The following MSN variants were observed in gnomAD, a reference collection of about 807,000 sequenced individuals.
MSN encodes the protein epididymis luminal protein 70.
In MSN, 2 loss-of-function variants were observed where a neutral mutation model predicts 48.0. The observed-to-expected ratio is 0.04, with a 90% confidence interval of 0.02 to 0.13. The LOEUF (loss-of-function observed/expected upper bound fraction) is 0.13. MSN is among the 10% of genes least tolerant of loss of function. The probability of loss-of-function intolerance (pLI) is 1.00; values close to 1 mark genes in which losing one functional copy is unlikely to be tolerated. For synonymous variants in MSN, 146 were observed against 166.9 expected (o/e 0.87, Z 0.97); for missense variants, 267 against 470.1 (o/e 0.57, Z 3.99).
chrX:65,725,823 G>A (rs2071562742), intron 2 of MSN, among the ~76,000 whole-genome samples: 1 of 111,677 alleles, frequency 9.0e-6, no homozygotes, highest in Non-Finnish European at 1.9e-5. Context: ...ATCAGCAAGA[G>A]GTAGCTGGGA....
chrX:65,622,269 A>AT (rs1484442540), intron 1 of MSN, among the ~76,000 whole-genome samples: 24 of 105,233 alleles, frequency 2.3e-4, no homozygotes, highest in Admixed American at 4.2e-4. Flanking sequence ...TAATTTTTGT[A>AT]TTTTTTTTGG....
intron 1 of MSN, among the ~76,000 whole-genome samples, chrX:65,711,035 C>A (rs185994720): frequency 9.5e-6 from 1 of 104,889 alleles, no homozygotes; most frequent in Non-Finnish European, 1.9e-5. Flanking sequence ...CAGGCGTGCA[C>A]CACCATGCCC....
At chrX:65,727,968 G>A (rs952746154) in intron 3 of MSN, 59 bp downstream of exon 3, 1 of 1,065,355 alleles carries the variant, frequency 9.4e-7, no homozygotes, top group African/African-American at 1.8e-5. Context: ...ACATTCCTGG[G>A]AGGGTACCAT....
intron 10 of MSN, 44 bp from the exon 11 acceptor site, chrX:65,738,481 G>A: frequency 2.6e-6 from 3 of 1,146,320 alleles, no homozygotes; most frequent in Non-Finnish European, 3.5e-6. Flanking sequence ...TGGGTCCTGA[G>A]GACCAGAAGG....
At chrX:65,727,468 G>T (rs182075739) in intron 2 of MSN, among the ~76,000 whole-genome samples, 1 of 112,031 alleles carries the variant, frequency 8.9e-6, no homozygotes, top group Non-Finnish European at 1.9e-5. Flanking sequence ...ACTTGGGCAA[G>T]TTATTTCATT....
chrX:65,642,350 G>GGTGTGTGTGTGTGT (rs61644801), intron 1 of MSN, among the ~76,000 whole-genome samples: 12 of 96,208 alleles, frequency 1.2e-4, no homozygotes, highest in Non-Finnish European at 2.5e-4. Flanking sequence ...TGTACATTAT[G>GGTGTGTGTGTGTGT]GTGTGTGTGT....
intron 1 of MSN, among the ~76,000 whole-genome samples, chrX:65,687,654 A>T (rs1443881514): frequency 8.9e-6 from 1 of 111,797 alleles, no homozygotes. Flanking sequence ...TTCTCAGGTC[A>T]TTTGTGCCTT....
intron 1 of MSN, among the ~76,000 whole-genome samples, chrX:65,607,957 T>C (rs1256823268): frequency 9.0e-6 from 1 of 111,509 alleles, no homozygotes; most frequent in African/African-American, 3.3e-5. Context: ...TCAATTAAAA[T>C]TAAGAAATAA....
At chrX:65,649,962 C>G (rs1374643354) in intron 1 of MSN, among the ~76,000 whole-genome samples, 2 of 103,987 alleles carry the variant, frequency 1.9e-5, no homozygotes, top group Middle Eastern at 5.0e-3. Context: ...CATCATTTCT[C>G]TGTATATATA....
chrX:65,631,985 C>T (rs754263922), intron 1 of MSN, among the ~76,000 whole-genome samples: 2 of 112,077 alleles, frequency 1.8e-5, no homozygotes, highest in Non-Finnish European at 3.8e-5. Flanking sequence ...CCATGCCCAG[C>T]CTGGGCTATT....
At chrX:65,595,590 T>G (rs1263597607) in intron 1 of MSN, among the ~76,000 whole-genome samples, 1 of 111,861 alleles carries the variant, frequency 8.9e-6, no homozygotes, top group Non-Finnish European at 1.9e-5. Flanking sequence ...CAGCAAGTGG[T>G]CTAGTTGGGC....
At chrX:65,593,399 C>A (rs774888910) in intron 1 of MSN, 4 of 112,239 alleles carry the variant, frequency 3.6e-5, no homozygotes, top group Non-Finnish European at 7.5e-5. Context: ...GTTTAAAAAA[C>A]TTTTAAATAA....
chrX:65,626,524 G>A (rs971399195), intron 1 of MSN, among the ~76,000 whole-genome samples: 2 of 111,110 alleles, frequency 1.8e-5, no homozygotes, highest in Admixed American at 9.6e-5. Context: ...CCCTTGTCAC[G>A]TATGGTCACT....
intron 1 of MSN, among the ~76,000 whole-genome samples, chrX:65,591,904 G>A (rs903440465): frequency 2.6e-4 from 29 of 111,198 alleles, no homozygotes; most frequent in African/African-American, 9.2e-4. Context: ...GGTAGCCATA[G>A]GATTATCAAC....
Position 65,740,425 on chromosome X carries a change from T to C in MSN, c.*532T>C, listed in dbSNP as rs192766716. On this transcript the variant is annotated 3_prime_UTR_variant, in exon 13 of 13. Transcript: ENST00000360270. ...TAGAGTTATTTAGGCTTTGTAACGATTGGGGGATAAAAAGATGTTCAGTCA... is the reference window on the plus strand; with the variant it reads ...TAGAGTTATTTAGGCTTTGTAACGACTGGGGGATAAAAAGATGTTCAGTCA... The C allele has an allele frequency of 7.1e-4, 124 of 173,776 alleles. No individual in the cohort carries two copies. In the East Asian group the frequency reaches 9.1e-3, roughly 13 times the overall value. The allele number at this position is 173,776 out of a possible 1,213,427, so 14.3% of individuals were successfully genotyped here.
chrX:65,624,541 TC>T (rs2070485606), intron 1 of MSN: 1 of 102,105 alleles, frequency 9.8e-6, no homozygotes, highest in South Asian at 3.8e-4. Context: ...TATTATTTCC[TC>T]CCTTCTGCTA....
At chrX:65,685,286 G>A (rs1475458593) in intron 1 of MSN, among the ~76,000 whole-genome samples, 1 of 111,626 alleles carries the variant, frequency 9.0e-6, no homozygotes, top group African/African-American at 3.3e-5. Context: ...GTGATTAGTG[G>A]TAGGATAAAC....
intron 1 of MSN, among the ~76,000 whole-genome samples, chrX:65,655,529 C>T (rs770525470): frequency 9.6e-4 from 108 of 112,195 alleles, no homozygotes; most frequent in Middle Eastern, 9.2e-3. Context: ...AACAAACTTT[C>T]AATTACGAGG....
At chrX:65,591,339 G>T (rs143332796) in intron 1 of MSN, among the ~76,000 whole-genome samples, 1 of 111,673 alleles carries the variant, frequency 9.0e-6, no homozygotes, top group Non-Finnish European at 1.9e-5. Flanking sequence ...CACCACTGTC[G>T]GCTAGGGAGA....
Sources: allele counts gnomAD v4.1 joint callset (sites outside exome capture counted in the v4.1 genomes callset), GRCh38; gene constraint gnomAD v4.1.1; transcripts MANE v1.5; gene names NCBI Gene and HGNC (gene_info 2026-07-23, HGNC 2026-07-21).